The following PTPRG variants were observed in gnomAD, a reference collection of about 807,000 sequenced individuals.
The protein encoded by PTPRG is receptor-type tyrosine-protein phosphatase gamma.
A neutral mutation model predicts 165.3 loss-of-function variants in PTPRG; 102 were observed. That is an observed-to-expected ratio of 0.62 (90% CI 0.53 to 0.73). The LOEUF is 0.73. Ranked by LOEUF, PTPRG falls within the 30% of genes least tolerant of loss-of-function variation. The pLI, the probability that PTPRG is intolerant of heterozygous loss-of-function variation, is 0.00. For missense variants in PTPRG, 1,866 were observed against 1,861.4 expected, an observed-to-expected ratio of 1.00 and a Z score of -0.05; for synonymous variants, 675 against 669.5, an observed-to-expected ratio of 1.01 and a Z score of -0.13.
chr3:61,626,980 A>G (rs959348644), intron 1 of PTPRG, among the ~76,000 whole-genome samples: 12 of 152,298 alleles, frequency 7.9e-5, no homozygotes, highest in Middle Eastern at 3.4e-3. Flanking sequence ...GTTATATCCA[A>G]TTTATGTATG....
intron 10 of PTPRG, among the ~76,000 whole-genome samples, chr3:62,199,690 C>T (rs6792421): frequency 0.16 from 24,879 of 152,140 alleles, 3,946 homozygotes; most frequent in African/African-American, 0.4. Context: ...AGTGTTATTA[C>T]AGCATTTTCG....
intron 2 of PTPRG, among the ~76,000 whole-genome samples, chr3:61,794,752 C>A (rs1007791540): frequency 6.6e-6 from 1 of 152,048 alleles, no homozygotes; most frequent in Non-Finnish European, 1.5e-5. Flanking sequence ...CGTTTGAAAG[C>A]TGGTGTTTTT....
At chr3:61,672,812 G>GGA (rs1304800137) in intron 1 of PTPRG, among the ~76,000 whole-genome samples, 2 of 147,972 alleles carry the variant, frequency 1.4e-5, no homozygotes, top group Non-Finnish European at 3.0e-5. Flanking sequence ...GGAGAGAGAG[G>GGA]GAGAGAGAGA....
At chr3:62,124,399 G>C in intron 5 of PTPRG, 4 of 1,613,776 alleles carry the variant, frequency 2.5e-6, no homozygotes, top group Non-Finnish European at 3.4e-6. Context: ...CCAAGATGTA[G>C]TCGATGACGT....
chr3:61,621,051 A>ATATATATGTGTGTGTGTGTGTGTGTGTG, intron 1 of PTPRG, among the ~76,000 whole-genome samples: 2 of 117,948 alleles, frequency 1.7e-5, no homozygotes, highest in Admixed American at 9.4e-5. Context: ...ATATATATAT[A>ATATATATGTGTGTGTGTGTGTGTGTGTG]TGTGTGTGTG....
At chr3:62,091,165 C>T (rs1231808707) in intron 5 of PTPRG, among the ~76,000 whole-genome samples, 1 of 152,214 alleles carries the variant, frequency 6.6e-6, no homozygotes. Flanking sequence ...TGTCCCAGGA[C>T]ATATATCGCT....
chr3:61,583,119 A>G (rs991978679), intron 1 of PTPRG, among the ~76,000 whole-genome samples: 2 of 152,238 alleles, frequency 1.3e-5, no homozygotes, highest in Non-Finnish European at 2.9e-5. Context: ...TTGGACCCAT[A>G]TCTGCCTTGT....
rs1451766505 is a variant in PTPRG at position 62,267,597 on chromosome 3, GC to G, written c.2740-85del. On this transcript the variant is annotated intron_variant, in intron 18 of 29. Transcript: ENST00000474889. ...GTACAGAGCTTTCACTAAAAACAAA[GC>G]CCATTCAATATGGAAGGCATTTGAA... is the stretch of plus-strand genomic sequence containing the variant. 44 of 1,538,314 alleles carry G rather than the reference GC, an allele frequency of 2.9e-5. 1 individual carries two copies. The highest frequency in any genetic ancestry group is 1.7e-4 in the Middle Eastern group (1 of 5,748).
At chr3:61,827,128 G>T (rs190659476) in intron 2 of PTPRG, among the ~76,000 whole-genome samples, 1 of 152,286 alleles carries the variant, frequency 6.6e-6, no homozygotes, top group East Asian at 1.9e-4. Context: ...CTATAGTCAG[G>T]GAAGTGTGAA....
chr3:61,566,317 AAAAC>A (rs1486667856), intron 1 of PTPRG, among the ~76,000 whole-genome samples: 3 of 152,266 alleles, frequency 2.0e-5, no homozygotes, highest in African/African-American at 4.8e-5. Context: ...TTAATGCAGC[AAAAC>A]AAACAGCCCT....
chr3:61,950,780 T>C (rs1169720118), intron 2 of PTPRG, among the ~76,000 whole-genome samples: 1 of 152,252 alleles, frequency 6.6e-6, no homozygotes, highest in Non-Finnish European at 1.5e-5. Flanking sequence ...AAGTGAGTGT[T>C]TTTTGATCTT....
intron 2 of PTPRG, among the ~76,000 whole-genome samples, chr3:61,951,023 A>G (rs559076144): frequency 1.3e-5 from 2 of 152,328 alleles, no homozygotes; most frequent in East Asian, 3.9e-4. Context: ...TTGCAGGAAC[A>G]TGGAACTGGT....
At chr3:62,205,678 G>A (rs1245170732) in intron 12 of PTPRG, among the ~76,000 whole-genome samples, 1 of 152,142 alleles carries the variant, frequency 6.6e-6, no homozygotes, top group Admixed American at 6.5e-5. Flanking sequence ...AATTAATTTG[G>A]ATCAGTTGAG....
intron 2 of PTPRG, chr3:61,753,585 G>GTTTTTT (rs10640815): frequency 0.097 from 35,019 of 359,358 alleles, 2,134 homozygotes; most frequent in East Asian, 0.19. Context: ...AAATTTGAGG[G>GTTTTTT]TTTTTTTTTT....
At chr3:61,602,743 C>T (rs1212941499) in intron 1 of PTPRG, among the ~76,000 whole-genome samples, 3 of 152,180 alleles carry the variant, frequency 2.0e-5, no homozygotes, top group East Asian at 1.9e-4. Flanking sequence ...TTGGGCTTCT[C>T]ATCTGTTGTC....
intron 1 of PTPRG, among the ~76,000 whole-genome samples, chr3:61,683,953 A>G (rs1703535922): frequency 6.6e-6 from 1 of 152,228 alleles, no homozygotes; most frequent in Admixed American, 6.5e-5. Context: ...TATATTGGTA[A>G]CATTTAGAAA....
Position 62,203,679 on chromosome 3 carries a change from G to C in PTPRG, c.1884G>C (p.Ser628=). The part of the protein sequence containing the change: ...RNQTEPSPTP[S]SPNRTAEGGH... ...AGACGGAGCCCAGCCCCACACCCTC[G>C]TCTCCTAACAGGACTGCCGAGGGAG... The change falls in exon 12 of 30, where the codon TCG becomes TCC. Residue 628 remains serine, a synonymous_variant. Transcript: ENST00000474889. The surrounding 1 kb of genome is among the most constrained non-coding windows in gnomAD (Gnocchi z 6.4). 1.3e-6 allele frequency: 2 copies of C among 1,567,910 alleles called. No homozygotes were observed. Among genetic ancestry groups the C allele is most frequent in the Non-Finnish European group, 1.7e-6 (2 of 1,155,796 alleles).
In PTPRG at chr3:61,802,491, G is replaced by A. The variant is rs536735415; in HGVS notation, c.190+53509G>A. Among the ~76,000 whole-genome samples, 131 of 152,310 alleles carry A rather than the reference G, an allele frequency of 8.6e-4. 2 individuals are homozygous for A. The South Asian group carries it at 0.026, about 30-fold the overall frequency. On this transcript the variant is annotated intron_variant, in intron 2 of 29. Coordinates refer to ENST00000474889, the MANE Select transcript of PTPRG (RefSeq NM_002841.4). ...TACAATGTGCTACAGGGGAAGTGTT[G>A]TCAAACAGTTATGCCGGTTTCTTAG...
In PTPRG at chr3:61,912,526, G is replaced by GA. The variant is rs553265299; in HGVS notation, c.191-77091dup. On this transcript the variant is annotated intron_variant, in intron 2 of 29. Transcript: ENST00000474889. Reference sequence around the variant, plus strand: ...AATGTTAAAAAGAGGAAAAAGTAAAGAAAAAAAATCCTTTGGAATTGGTCA... The same window carrying GA: ...AATGTTAAAAAGAGGAAAAAGTAAAGAAAAAAAAATCCTTTGGAATTGGTCA... Among the ~76,000 whole-genome samples, 6 of 151,974 alleles carry GA rather than the reference G, an allele frequency of 3.9e-5. 1 individual carries two copies. The highest frequency in any genetic ancestry group is 4.2e-4 in the South Asian group (2 of 4,800).
Sources: gnomAD v4.1 joint callset for allele counts (sites outside exome capture counted in the v4.1 genomes callset) on GRCh38, gnomAD v4.1.1 for gene constraint, Gnocchi (gnomAD v3.1) non-coding constraint, MANE v1.5 for transcripts, NCBI Gene and HGNC (gene_info 2026-07-23, HGNC 2026-07-21) for gene names.